Variants in BCAS3 observed in about 807,000 individuals in gnomAD.
The protein encoded by BCAS3 is BCAS3 microtubule associated cell migration factor, also known as BCAS4/BCAS3 fusion.
A neutral mutation model predicts 116.1 loss-of-function variants in BCAS3; 53 were observed. The ratio of observed to expected loss-of-function variants is 0.46; its 90% confidence interval spans 0.37 to 0.57. BCAS3 has a LOEUF of 0.57. BCAS3 is among the 20% of genes least tolerant of loss of function. The pLI is 0.00. For synonymous variants in BCAS3, 391 were observed against 408.2 expected, an observed-to-expected ratio of 0.96 and a Z score of 0.51; for missense variants, 917 against 1,165.4, an observed-to-expected ratio of 0.79 and a Z score of 3.10.
rs774168886 is a variant in BCAS3 at position 61,009,693 on chromosome 17, A to G, written c.1487-6058A>G. 9.1e-4 allele frequency among the ~76,000 whole-genome samples: 138 copies of G among 152,038 alleles called. 1 individual carries two copies. The highest frequency in any genetic ancestry group is 1.4e-3 in the Non-Finnish European group (95 of 67,980). On this transcript the variant is annotated intron_variant, in intron 15 of 23. Transcript: ENST00000407086. Reference sequence around the variant, plus strand: ...ACTATACATATGTACACACAGATACACTGATAGTAACTTTAATATTTAACA... The same window carrying G: ...ACTATACATATGTACACACAGATACGCTGATAGTAACTTTAATATTTAACA...
Position 60,912,911 on chromosome 17 carries a change from A to T in BCAS3, c.993+2209A>T, listed in dbSNP as rs1218290146. Among the ~76,000 whole-genome samples the T allele has an allele frequency of 2.0e-5, 3 of 152,150 alleles. No homozygotes were observed. The East Asian group carries it at 5.8e-4, about 29-fold the overall frequency. ...GAGATTTGGGATTATTTCAAAATAG[A>T]AAATGTTATCTCAGTAATTTTGATG... On this transcript the variant is annotated intron_variant, in intron 12 of 23. Coordinates refer to ENST00000407086, the MANE Select transcript of BCAS3 (RefSeq NM_017679.5).
Position 61,136,788 on chromosome 17 carries a change from G to A in BCAS3, c.2425+52224G>A, listed in dbSNP as rs2076665475. 1.3e-5 allele frequency among the ~76,000 whole-genome samples: 2 copies of A among 152,028 alleles called. No individual in the cohort carries two copies. The highest frequency in any genetic ancestry group is 2.9e-5 in the Non-Finnish European group (2 of 68,000). Reference sequence around the variant, plus strand: ...TGCCCAGGCTGGTCTCAAATTCCTGGCCTCAAGTGATCCACCCACCTCGGC... The same window carrying A: ...TGCCCAGGCTGGTCTCAAATTCCTGACCTCAAGTGATCCACCCACCTCGGC... On this transcript the variant is annotated intron_variant, in intron 22 of 23. Transcript: ENST00000407086. This position sits in a 1 kb window ranked among gnomAD's most constrained non-coding sequence, Gnocchi z 4.4.
Position 60,683,807 on chromosome 17 carries a change from G to A in BCAS3, c.84-175G>A, listed in dbSNP as rs1313832766. On this transcript the variant is annotated intron_variant, in intron 2 of 23. Coordinates refer to ENST00000407086, the MANE Select transcript of BCAS3 (RefSeq NM_017679.5). Reference sequence around the variant, plus strand: ...AGATCGCACCACTACACTCCAGCCTGGGTGACAGAGTGAAACCTTGTCTCA... The same window carrying A: ...AGATCGCACCACTACACTCCAGCCTAGGTGACAGAGTGAAACCTTGTCTCA... 2.0e-5 allele frequency among the ~76,000 whole-genome samples: 3 copies of A among 151,920 alleles called. No homozygotes were observed. The East Asian group carries it at 5.8e-4, about 29-fold the overall frequency.
intron 5 of BCAS3, among the ~76,000 whole-genome samples, chr17:60,722,277 A>C (rs2144100783): frequency 6.6e-6 from 1 of 152,294 alleles, no homozygotes; most frequent in East Asian, 1.9e-4. Flanking sequence ...GTCATAGGAT[A>C]AGTACATGTT....
intron 8 of BCAS3, among the ~76,000 whole-genome samples, chr17:60,871,689 A>G (rs1184313994): frequency 1.4e-5 from 2 of 146,822 alleles, no homozygotes; most frequent in African/African-American, 5.0e-5. Context: ...TCAATTTGTT[A>G]AATTGGATGA....
rs369557661 is a variant in BCAS3 at position 61,341,523 on chromosome 17, G to A, written c.2426-26804G>A. ...TAAAGACACTGAAGCTGGTGGAGCC[G>A]GAACACTGGTGCAGTGGCACTCAGC... On this transcript the variant is annotated intron_variant, in intron 22 of 23. Coordinates refer to ENST00000407086, the MANE Select transcript of BCAS3 (RefSeq NM_017679.5). 2.0e-4 allele frequency among the ~76,000 whole-genome samples: 30 copies of A among 152,288 alleles called. 1 individual carries two copies. Among genetic ancestry groups the A allele is most frequent in the Admixed American group, 7.8e-4 (12 of 15,296 alleles).
At chr17:61,049,813 G>A (rs916832248) in intron 19 of BCAS3, among the ~76,000 whole-genome samples, 29 of 147,248 alleles carry the variant, frequency 2.0e-4, no homozygotes, top group African/African-American at 6.6e-4. Flanking sequence ...GCTCACTGCA[G>A]CCTCTGTCTC....
At position 61,140,072 on chromosome 17, in the gene BCAS3, C is replaced by T. The variant is rs925532974; in HGVS notation, c.2425+55508C>T. ...CCAATATAGTGAAACCCCATCTCTA[C>T]TAAAAATACAAAAAATTAGCTGGGC... On this transcript the variant is annotated intron_variant, in intron 22 of 23. Coordinates refer to ENST00000407086, the MANE Select transcript of BCAS3 (RefSeq NM_017679.5). The surrounding 1 kb of genome is among the most constrained non-coding windows in gnomAD (Gnocchi z 4.2). 1.3e-5 allele frequency among the ~76,000 whole-genome samples: 2 copies of T among 152,064 alleles called. No homozygotes were observed. Among genetic ancestry groups the T allele is most frequent in the Non-Finnish European group, 2.9e-5 (2 of 68,024 alleles).
At chr17:60,708,910 C>T (rs753769678) in intron 4 of BCAS3, among the ~76,000 whole-genome samples, 4 of 152,144 alleles carry the variant, frequency 2.6e-5, no homozygotes, top group East Asian at 1.9e-4. Flanking sequence ...CCTTCTACTT[C>T]GTCCTCTCAA....
chr17:61,024,483 A>C (rs2066090192), intron 16 of BCAS3, among the ~76,000 whole-genome samples: 1 of 152,078 alleles, frequency 6.6e-6, no homozygotes, highest in Admixed American at 6.5e-5. Flanking sequence ...TGAATAGTGA[A>C]CCTTACTGTA....
At chr17:60,695,093 C>T (rs1032749814) in intron 4 of BCAS3, among the ~76,000 whole-genome samples, 6 of 150,166 alleles carry the variant, frequency 4.0e-5, no homozygotes, top group Non-Finnish European at 7.4e-5. Context: ...AAGGCTGAAT[C>T]ATGCTTCATT....
rs572391758 is a variant in BCAS3, at chr17:60,964,395, T to C, written c.1221+17043T>C. 6.6e-6 allele frequency among the ~76,000 whole-genome samples: 1 copy of C among 152,320 alleles called. No individual in the cohort carries two copies. The highest frequency in any genetic ancestry group is 1.9e-4 in the East Asian group (1 of 5,190). ...TCCCTGGAATGAATCCCATTTGATATTATAAATGATCTTTTTAGTGTGTTG... is the reference window on the plus strand; with the variant it reads ...TCCCTGGAATGAATCCCATTTGATACTATAAATGATCTTTTTAGTGTGTTG... On this transcript the variant is annotated intron_variant, in intron 14 of 23. Coordinates refer to ENST00000407086, the MANE Select transcript of BCAS3 (RefSeq NM_017679.5). This position sits in a 1 kb window ranked among gnomAD's most constrained non-coding sequence, Gnocchi z 4.6.
chr17:60,912,486 AAAAC>A (rs2058567416), intron 12 of BCAS3, among the ~76,000 whole-genome samples: 1 of 152,134 alleles, frequency 6.6e-6, no homozygotes, highest in Non-Finnish European at 1.5e-5. Context: ...TTACAACAAA[AAAAC>A]TTTGAAATTC....
intron 4 of BCAS3, among the ~76,000 whole-genome samples, chr17:60,691,848 C>G (rs2034867015): frequency 6.6e-6 from 1 of 151,572 alleles, no homozygotes. Flanking sequence ...GTTGGGTCCT[C>G]TTTATGGAGA....
chr17:61,048,300 T>C (rs1193716268), intron 19 of BCAS3, among the ~76,000 whole-genome samples: 4 of 151,930 alleles, frequency 2.6e-5, no homozygotes, highest in African/African-American at 9.7e-5. Context: ...AGAAATCATA[T>C]ATGAAACAAT....
At chr17:61,195,853 G>A (rs970479523) in intron 22 of BCAS3, among the ~76,000 whole-genome samples, 2 of 152,154 alleles carry the variant, frequency 1.3e-5, no homozygotes, top group African/African-American at 4.8e-5. Context: ...ATTCTGGTTG[G>A]TAATGATCAT....
At chr17:61,117,940 T>C (rs1029971393) in intron 22 of BCAS3, among the ~76,000 whole-genome samples, 1 of 152,234 alleles carries the variant, frequency 6.6e-6, no homozygotes, top group Non-Finnish European at 1.5e-5. Flanking sequence ...TAATTACTCA[T>C]TGAAACATTT....
Position 61,326,948 on chromosome 17 carries a change from A to G in BCAS3, c.2426-41379A>G, listed in dbSNP as rs1481436273. Among the ~76,000 whole-genome samples the G allele has an allele frequency of 6.6e-6, 1 of 152,210 alleles. No homozygotes were observed. The highest frequency in any genetic ancestry group is 2.1e-4 in the South Asian group (1 of 4,832). Reference sequence around the variant, plus strand: ...TAGAGGAAGAAAAGAAAAAAGAAATAACAAATAGTAGAAGGAAAAATATTT... The same window carrying G: ...TAGAGGAAGAAAAGAAAAAAGAAATGACAAATAGTAGAAGGAAAAATATTT... On this transcript the variant is annotated intron_variant, in intron 22 of 23. Coordinates refer to ENST00000407086, the MANE Select transcript of BCAS3 (RefSeq NM_017679.5). The surrounding 1 kb of genome is among the most constrained non-coding windows in gnomAD (Gnocchi z 5.3).
At chr17:61,334,762 C>G (rs1314479593) in intron 22 of BCAS3, among the ~76,000 whole-genome samples, 1 of 151,678 alleles carries the variant, frequency 6.6e-6, no homozygotes, top group Non-Finnish European at 1.5e-5. Context: ...GGCAAAGGAG[C>G]CACGACAAAT....
Sources: allele counts gnomAD v4.1 joint callset (sites outside exome capture counted in the v4.1 genomes callset), GRCh38; gene constraint gnomAD v4.1.1; non-coding constraint Gnocchi (gnomAD v3.1); transcripts MANE v1.5; gene names NCBI Gene and HGNC (gene_info 2026-07-23, HGNC 2026-07-21).